PIK3R4: variants seen among roughly 807,000 people sequenced by gnomAD.
PIK3R4 encodes phosphoinositide 3-kinase regulatory subunit 4.
A neutral mutation model predicts 136.5 loss-of-function variants in PIK3R4; 46 were observed. The observed-to-expected ratio is 0.34, with a 90% CI of 0.27 to 0.43. The LOEUF (loss-of-function observed/expected upper bound fraction) is 0.43, where lower values mean the gene tolerates loss of function less well. Among genes scored for constraint, PIK3R4 ranks in the 20% least tolerant of loss-of-function variants. The pLI is 1.00. For missense variants in PIK3R4, 1,331 were observed against 1,649.5 expected, an observed-to-expected ratio of 0.81 and a Z score of 3.35; for synonymous variants, 557 against 566.7, an observed-to-expected ratio of 0.98 and a Z score of 0.24.
chr3:130,718,360 A>T, intron 8 of PIK3R4, 29 bp downstream of exon 8: 1 of 1,593,290 alleles, frequency 6.3e-7, no homozygotes. Context: ...TTTGGAGGAA[A>T]GACTGACTCC....
chr3:130,716,154 C>T (rs1275125365), intron 9 of PIK3R4, among the ~76,000 whole-genome samples: 2 of 152,128 alleles, frequency 1.3e-5, no homozygotes, highest in Admixed American at 6.6e-5. Flanking sequence ...CCAGTAATTA[C>T]AAAAGAAACT....
chr3:130,734,355 C>T (rs146548680), intron 3 of PIK3R4, among the ~76,000 whole-genome samples: 1 of 152,224 alleles, frequency 6.6e-6, no homozygotes, highest in East Asian at 1.9e-4. Flanking sequence ...CTCAGTATTC[C>T]CCATTTATTA....
intron 13 of PIK3R4, among the ~76,000 whole-genome samples, chr3:130,696,697 C>T (rs1282141464): frequency 6.6e-6 from 1 of 152,118 alleles, no homozygotes; most frequent in African/African-American, 2.4e-5. Flanking sequence ...ATTACATGTA[C>T]ACTTAAGGAA....
At chr3:130,715,904 C>A (rs182842495) in intron 9 of PIK3R4, among the ~76,000 whole-genome samples, 3 of 152,214 alleles carry the variant, frequency 2.0e-5, no homozygotes, top group Admixed American at 6.5e-5. Context: ...TTAAGATATA[C>A]CAGTAAACTG....
chr3:130,693,423 CAATGTATA>C (rs1394216449), intron 13 of PIK3R4, among the ~76,000 whole-genome samples: 7 of 152,142 alleles, frequency 4.6e-5, no homozygotes, highest in Non-Finnish European at 1.0e-4. Flanking sequence ...TTCTCACCAG[CAATGTATA>C]AAGCTTTCAA....
chr3:130,738,573 T>C (rs751913859), intron 2 of PIK3R4, among the ~76,000 whole-genome samples: 23 of 151,832 alleles, frequency 1.5e-4, no homozygotes, highest in Non-Finnish European at 2.8e-4. Flanking sequence ...GAGCACTAGA[T>C]AGAGGCTTCT....
intron 2 of PIK3R4, among the ~76,000 whole-genome samples, chr3:130,739,155 C>T (rs943166595): frequency 1.3e-5 from 2 of 152,238 alleles, no homozygotes; most frequent in African/African-American, 4.8e-5. Context: ...CAGCTCACTG[C>T]AAGCTCCGCC....
chr3:130,716,485 G>A lies in PIK3R4; in HGVS notation c.2242C>T (p.Arg748Cys), dbSNP rs962962443. 3.7e-6 allele frequency: 6 copies of A among 1,613,918 alleles called. No homozygotes were observed. Among genetic ancestry groups the A allele is most frequent in the East Asian group, 4.5e-5 (2 of 44,868 alleles). Reference sequence around the variant, plus strand: ...AGAGAACCATTTCGTTTCTTCTGACGCATGTGAAGATGTCTGAACAAGCTA... The same window carrying A: ...AGAGAACCATTTCGTTTCTTCTGACACATGTGAAGATGTCTGAACAAGCTA... The part of the protein sequence containing the change: ...ITSLFRHLHM[R>C]QKKRNGSLPD... Residue 748 changes from arginine (R) to cysteine (C), a missense_variant, in exon 9 of 20, where the codon CGT (arginine) becomes TGT (cysteine). By Grantham distance (180) the Arg-to-Cys change is radical. Transcript: ENST00000356763.
chr3:130,709,850 T>C (rs994088646), intron 9 of PIK3R4, among the ~76,000 whole-genome samples: 2 of 152,100 alleles, frequency 1.3e-5, no homozygotes, highest in African/African-American at 4.8e-5. Flanking sequence ...GAAAGCAGAT[T>C]AGTGATTGCC....
At chr3:130,691,580 G>T (rs956411888) in intron 13 of PIK3R4, among the ~76,000 whole-genome samples, 1 of 152,030 alleles carries the variant, frequency 6.6e-6, no homozygotes, top group South Asian at 2.1e-4. Context: ...CACACAGACT[G>T]CAACTTTACG....
Position 130,735,658 on chromosome 3 carries a change from A to AT in PIK3R4, c.867+210dup, listed in dbSNP as rs200711191. Among the ~76,000 whole-genome samples the AT allele has an allele frequency of 9.0e-3, 1,365 of 152,218 alleles. 19 individuals carry two copies. The highest frequency in any genetic ancestry group is 0.052 in the East Asian group (271 of 5,188). On this transcript the variant is annotated intron_variant, in intron 3 of 19. Transcript: ENST00000356763. Reference sequence around the variant, plus strand: ...TAGTGGGAAAATAGATAATAAATAGATTTTTTTTAAGTCAAATGAGCTCTG... The same window carrying AT: ...TAGTGGGAAAATAGATAATAAATAGATTTTTTTTTAAGTCAAATGAGCTCTG...
chr3:130,716,784 C>T (rs1238361699), intron 8 of PIK3R4, among the ~76,000 whole-genome samples, 185 bp from the exon 9 acceptor site: 2 of 150,010 alleles, frequency 1.3e-5, no homozygotes, highest in Non-Finnish European at 3.0e-5. Context: ...GTATCTCTTA[C>T]TTTTCATTGT....
intron 13 of PIK3R4, among the ~76,000 whole-genome samples, chr3:130,701,645 G>A (rs566630771): frequency 2.0e-5 from 3 of 152,248 alleles, no homozygotes; most frequent in African/African-American, 7.2e-5. Flanking sequence ...TGCATCTTGA[G>A]AGGGATTCAG....
chr3:130,740,720 ACT>A (rs1397806994), intron 2 of PIK3R4, among the ~76,000 whole-genome samples: 1 of 152,012 alleles, frequency 6.6e-6, no homozygotes, highest in South Asian at 2.1e-4. Flanking sequence ...ACAGAGCAAG[ACT>A]CTGTCTCAAA....
At chr3:130,700,903 A>T (rs1361558513) in intron 13 of PIK3R4, among the ~76,000 whole-genome samples, 1 of 152,212 alleles carries the variant, frequency 6.6e-6, no homozygotes, top group African/African-American at 2.4e-5. Context: ...AGCAGGTGTT[A>T]CAGCAAAGCA....
intron 14 of PIK3R4, among the ~76,000 whole-genome samples, chr3:130,688,306 T>A (rs993417782): frequency 1.3e-5 from 2 of 152,244 alleles, no homozygotes; most frequent in Non-Finnish European, 2.9e-5. Context: ...GTTAACCCTG[T>A]GAAAAACAAC....
chr3:130,741,850 G>C (rs1408241972), intron 2 of PIK3R4, among the ~76,000 whole-genome samples: 2 of 152,182 alleles, frequency 1.3e-5, no homozygotes, highest in Non-Finnish European at 1.5e-5. Context: ...ATGAATGAAA[G>C]ATCTGCAGCA....
intron 18 of PIK3R4, 109 bp downstream of exon 18, chr3:130,680,868 G>GTATT: frequency 1.3e-6 from 1 of 759,702 alleles, no homozygotes; most frequent in Non-Finnish European, 2.2e-6. Flanking sequence ...TACAAATAAA[G>GTATT]TATTAACAGC....
intron 7 of PIK3R4, among the ~76,000 whole-genome samples, chr3:130,719,801 T>C (rs1429651251): frequency 6.6e-6 from 1 of 152,200 alleles, no homozygotes; most frequent in East Asian, 1.9e-4. Context: ...CCCTTTCTTT[T>C]GGTTTATATC....
Sources: gnomAD v4.1 joint callset for allele counts (sites outside exome capture counted in the v4.1 genomes callset) on GRCh38, gnomAD v4.1.1 for gene constraint, MANE v1.5 for transcripts, NCBI Gene and HGNC (gene_info 2026-07-23, HGNC 2026-07-21) for gene names.